DYNC2LI1: variants seen among roughly 807,000 people sequenced by gnomAD.
DYNC2LI1 encodes dynein cytoplasmic 2 light intermediate chain 1, also known as cytoplasmic dynein 2 light intermediate chain 1.
Under a neutral mutation model 51.9 loss-of-function variants are expected in DYNC2LI1, and 45 were observed. That is an observed-to-expected ratio of 0.87 (90% CI 0.68 to 1.11). The LOEUF (loss-of-function observed/expected upper bound fraction) is 1.11. Ranked by LOEUF, DYNC2LI1 falls within the 50% of genes most tolerant of loss-of-function variation. The pLI is 0.00. For synonymous variants in DYNC2LI1, 130 were observed against 137.8 expected (o/e 0.94, Z 0.40); for missense variants, 490 against 417.4 (o/e 1.17, Z -1.51).
the DYNC2LI1 span, among the ~76,000 whole-genome samples, chr2:43,816,661 A>G: frequency 3.9e-5 from 6 of 152,186 alleles, no homozygotes; most frequent in Non-Finnish European, 8.8e-5. Flanking sequence ...CTCCTGCCTC[A>G]GCCTCCTGAG....
Position 43,792,095 on chromosome 2 carries a change from C to T in DYNC2LI1, c.321-2362C>T, listed in dbSNP as rs997223844. On this transcript the variant is annotated intron_variant, in intron 5 of 12. Transcript: ENST00000260605. ...TAGTTGAAACACAACCATACCAAAA[C>T]CCTGAAAATGAAATTAGTACAATTA... is the stretch of plus-strand genomic sequence containing the variant. Among the ~76,000 whole-genome samples, 3 of 151,874 alleles carry T rather than the reference C, an allele frequency of 2.0e-5. No individual in the cohort carries two copies. In the South Asian group the frequency reaches 6.2e-4, roughly 32 times the overall value.
chr2:43,825,322 C>T, the DYNC2LI1 span, among the ~76,000 whole-genome samples: 5 of 152,238 alleles, frequency 3.3e-5, no homozygotes, highest in South Asian at 4.2e-4. Context: ...TGGACCTGGG[C>T]GTAAGTCCCA....
At chr2:43,797,990 G>A (rs1300406107) in intron 8 of DYNC2LI1, among the ~76,000 whole-genome samples, 2 of 150,186 alleles carry the variant, frequency 1.3e-5, no homozygotes, top group African/African-American at 5.0e-5. Flanking sequence ...AGCTGGCCAT[G>A]GTGGCACACA....
At chr2:43,792,600 C>A in intron 5 of DYNC2LI1, 1 of 1,426,378 alleles carries the variant, frequency 7.0e-7, no homozygotes, top group Non-Finnish European at 9.3e-7. Context: ...CACCATACAT[C>A]TCCAGAACTT....
the DYNC2LI1 span, chr2:43,824,211 C>A: frequency 6.2e-7 from 1 of 1,614,092 alleles, no homozygotes; most frequent in East Asian, 2.2e-5. Context: ...CATTTGTGAG[C>A]CTCTTACCTC....
At chr2:43,797,304 A>G (rs1026791533) in intron 8 of DYNC2LI1, among the ~76,000 whole-genome samples, 5 of 152,110 alleles carry the variant, frequency 3.3e-5, no homozygotes, top group Non-Finnish European at 7.3e-5. Flanking sequence ...CTTAAGCCTC[A>G]TTGTCCTCCA....
At chr2:43,828,227 C>G in the DYNC2LI1 span, 1 of 1,436,472 alleles carries the variant, frequency 7.0e-7, no homozygotes, top group Non-Finnish European at 9.6e-7. Flanking sequence ...ATCCAAGGGC[C>G]ACTTCCAGAC....
intron 6 of DYNC2LI1, chr2:43,795,291 G>T: frequency 1.6e-6 from 1 of 608,652 alleles, no homozygotes; most frequent in Non-Finnish European, 2.1e-6. Context: ...GGATCACGAC[G>T]TCAAGAGATC....
chr2:43,787,240 G>A lies in DYNC2LI1; in HGVS notation c.221G>A (p.Gly74Glu). The A allele has an allele frequency of 1.2e-6, 2 of 1,612,742 alleles. No individual in the cohort carries two copies. The highest frequency in any genetic ancestry group is 1.7e-6 in the Non-Finnish European group (2 of 1,179,148). The change falls in exon 4 of 13, where the codon GGG becomes GAG. Residue 74 changes from glycine to glutamate, a missense_variant. Physicochemically the swap from Gly to Glu is moderately conservative, Grantham distance 98. Transcript: ENST00000260605. Reference sequence around the variant, plus strand: ...TATACATATGGAAGAAGAGCAAAAGGGCACAACACAGTAAGTGTCTTTTAA... The same window carrying A: ...TATACATATGGAAGAAGAGCAAAAGAGCACAACACAGTAAGTGTCTTTTAA... The part of the protein sequence containing the change: ...LEYTYGRRAK[G>E]HNTPKDIAHF...
At chr2:43,825,752 G>A in the DYNC2LI1 span, among the ~76,000 whole-genome samples, 1,033 of 152,042 alleles carry the variant, frequency 6.8e-3, 10 homozygotes, top group Admixed American at 9.2e-3. Context: ...GATTACAGGC[G>A]CACACCACCA....
the DYNC2LI1 span, among the ~76,000 whole-genome samples, chr2:43,821,586 G>T: frequency 1.3e-5 from 2 of 152,064 alleles, no homozygotes; most frequent in African/African-American, 4.8e-5. Context: ...CCACATCTGG[G>T]GACCCTATTC....
chr2:43,811,901 AT>A (rs1666497959), downstream of DYNC2LI1, among the ~76,000 whole-genome samples: 1 of 152,102 alleles, frequency 6.6e-6, no homozygotes, highest in South Asian at 2.1e-4. Flanking sequence ...GCCAGAACCC[AT>A]TTTTAATAAC....
chr2:43,792,089 C>G (rs1187207649), intron 5 of DYNC2LI1, among the ~76,000 whole-genome samples: 4 of 151,824 alleles, frequency 2.6e-5, no homozygotes, highest in African/African-American at 9.7e-5. Flanking sequence ...CACAACCATA[C>G]CAAAACCCTG....
At chr2:43,814,735 C>T, downstream of DYNC2LI1, 1 of 588,160 alleles carries the variant, frequency 1.7e-6, no homozygotes, top group Non-Finnish European at 3.0e-6. Flanking sequence ...ATAAAAAAAC[C>T]TTCAAACAAC....
chr2:43,788,170 T>C (rs1447529426), intron 4 of DYNC2LI1, among the ~76,000 whole-genome samples: 1 of 152,216 alleles, frequency 6.6e-6, no homozygotes, highest in Non-Finnish European at 1.5e-5. Flanking sequence ...AGAAGAGCTC[T>C]AAAAGCTTCC....
the DYNC2LI1 span, among the ~76,000 whole-genome samples, chr2:43,817,645 C>G: frequency 1.3e-5 from 2 of 152,044 alleles, no homozygotes; most frequent in Admixed American, 6.6e-5. Flanking sequence ...CGCGGTGGCT[C>G]ACGTCTATAA....
Position 43,776,896 on chromosome 2 carries a change from T to C in DYNC2LI1, c.123T>C (p.Asn41=), listed in dbSNP as rs767256567. The C allele has an allele frequency of 1.4e-6, 2 of 1,464,488 alleles. No individual in the cohort carries two copies. The highest frequency in any genetic ancestry group is 2.3e-5 in the South Asian group (2 of 85,350). The allele number at this position is 1,464,488 out of a possible 1,614,324, so 90.7% of individuals were successfully genotyped here. ...TTGTTTTCTTCATTGGCAGTAAAAA[T>C]GGGGTAATGCTTTCTTTTTTTCAAT... The part of the protein sequence containing the change: ...EKFVFFIGSK[N]GGKTTIILRC... The change falls in exon 2 of 13, where the codon AAT becomes AAC. Residue 41 remains asparagine, a synonymous_variant. Coordinates refer to ENST00000260605, the MANE Select transcript of DYNC2LI1 (RefSeq NM_016008.4).
the DYNC2LI1 span, chr2:43,827,965 G>A: frequency 1.9e-6 from 3 of 1,613,790 alleles, no homozygotes; most frequent in East Asian, 2.2e-5. Context: ...GCTAGTAACA[G>A]TTCTGGGTGC....
rs1375083504 is a variant in DYNC2LI1, at chr2:43,809,796, C to A, written c.*29C>A. 3.2e-6 allele frequency: 5 copies of A among 1,583,104 alleles called. No homozygotes were observed. Among genetic ancestry groups the A allele is most frequent in the African/African-American group, 2.7e-5 (2 of 73,522 alleles). ...TATTTCAATTATTGTATATTTATTT[C>A]TTCTTTTCCAAATACAAATAAGATT... On this transcript the variant is annotated 3_prime_UTR_variant, in exon 13 of 13. Transcript: ENST00000260605.
Sources: gnomAD v4.1 joint callset for allele counts (sites outside exome capture counted in the v4.1 genomes callset) on GRCh38, gnomAD v4.1.1 for gene constraint, MANE v1.5 for transcripts, NCBI Gene and HGNC (gene_info 2026-07-23, HGNC 2026-07-21) for gene names.